RIN2: variants seen among roughly 807,000 people sequenced by gnomAD.
RIN2 encodes the protein Ras and Rab interactor 2.
A neutral mutation model predicts 78.0 loss-of-function variants in RIN2; 36 were observed. The observed-to-expected ratio is 0.46, with a 90% CI of 0.35 to 0.61. The LOEUF is 0.61. Among genes scored for constraint, RIN2 ranks in the 20% least tolerant of loss-of-function variants. RIN2 has a pLI of 0.00. For missense variants in RIN2, 1,087 were observed against 1,159.7 expected, an observed-to-expected ratio of 0.94 and a Z score of 0.91; for synonymous variants, 466 against 466.8, an observed-to-expected ratio of 1.00 and a Z score of 0.02.
chr20:19,844,593 G>C (rs200528490), intron 2 of RIN2, among the ~76,000 whole-genome samples: 1 of 64,066 alleles, frequency 1.6e-5, no homozygotes, highest in Non-Finnish European at 3.5e-5. Context: ...TGCTGCTGCT[G>C]CTTCTTCCTC....
At chr20:19,951,001 C>T (rs543284494) in intron 4 of RIN2, among the ~76,000 whole-genome samples, 3 of 151,980 alleles carry the variant, frequency 2.0e-5, no homozygotes, top group Middle Eastern at 3.4e-3. Flanking sequence ...GCAATCCTCC[C>T]GCCTCAGACT....
intron 9 of RIN2, among the ~76,000 whole-genome samples, chr20:19,988,765 T>C: frequency 6.6e-6 from 1 of 152,306 alleles, no homozygotes; most frequent in East Asian, 1.9e-4. Context: ...TTTCACACAT[T>C]TTTAACTTTT....
intron 2 of RIN2, among the ~76,000 whole-genome samples, chr20:19,863,359 A>G (rs1372128716): frequency 6.6e-6 from 1 of 152,112 alleles, no homozygotes; most frequent in Non-Finnish European, 1.5e-5. Flanking sequence ...CCTGGGCCTT[A>G]TCATTGCAGC....
intron 2 of RIN2, among the ~76,000 whole-genome samples, chr20:19,808,316 G>T (rs1414012453): frequency 6.6e-6 from 1 of 152,226 alleles, no homozygotes; most frequent in Non-Finnish European, 1.5e-5. Context: ...CAGAGAGGCC[G>T]CCATGGCCCA....
chr20:19,897,142 G>C (rs541392614), intron 3 of RIN2, among the ~76,000 whole-genome samples: 1 of 152,200 alleles, frequency 6.6e-6, no homozygotes, highest in Non-Finnish European at 1.5e-5. Flanking sequence ...GTCTCTCTCT[G>C]TCGCCCAGAC....
At chr20:19,974,039 A>G (rs1180843422) in intron 8 of RIN2, among the ~76,000 whole-genome samples, 5 of 152,202 alleles carry the variant, frequency 3.3e-5, no homozygotes, top group South Asian at 4.1e-4. Flanking sequence ...TTGGGCCTGC[A>G]CTGCACATTA....
chr20:19,832,907 C>T (rs547698383), intron 2 of RIN2, among the ~76,000 whole-genome samples: 6 of 152,156 alleles, frequency 3.9e-5, no homozygotes, highest in Non-Finnish European at 8.8e-5. Context: ...CACCTCTTAA[C>T]ACTGTTGCAC....
chr20:19,933,193 A>G (rs1005406552), intron 3 of RIN2, among the ~76,000 whole-genome samples: 1 of 152,188 alleles, frequency 6.6e-6, no homozygotes, highest in Non-Finnish European at 1.5e-5. Context: ...CATAAAACAG[A>G]TGTAAAATGG....
rs1568807329 is a variant in RIN2, at chr20:19,844,636, CTTCTTCTTCTTCTTCTT to C, written c.-37+44890_-37+44906del. On this transcript the variant is annotated intron_variant, in intron 2 of 12. Coordinates refer to ENST00000255006, the MANE Select transcript of RIN2 (RefSeq NM_018993.4). ...TCTTCTTCTTCTTCTTCTTCTTCTT[CTTCTTCTTCTTCTTCTT>C]CTTCTTCTTCTTCTTCCTTCTTCTT... 1.3e-3 allele frequency among the ~76,000 whole-genome samples: 164 copies of C among 129,278 alleles called. 3 individuals carry two copies. The highest frequency in any genetic ancestry group is 1.8e-3 in the East Asian group (8 of 4,536). 84.8% of individuals were successfully genotyped at this position (129,278 alleles called of 152,430 possible).
intron 8 of RIN2, 88 bp downstream of exon 8, chr20:19,971,017 G>A (rs578065769): frequency 3.4e-4 from 317 of 929,376 alleles, no homozygotes; most frequent in Admixed American, 9.8e-4. Context: ...ACATTGCTCC[G>A]TCAATCTCTC....
chr20:19,867,755 T>A (rs2037554408), intron 2 of RIN2, among the ~76,000 whole-genome samples: 2 of 152,228 alleles, frequency 1.3e-5, no homozygotes, highest in African/African-American at 4.8e-5. Flanking sequence ...TTAGTTAAGA[T>A]GGTGGTGTCC....
intron 1 of RIN2, among the ~76,000 whole-genome samples, chr20:19,770,186 GATT>G (rs1414293115): frequency 9.2e-5 from 14 of 152,152 alleles, no homozygotes; most frequent in Admixed American, 1.3e-4. Flanking sequence ...ATTTCACAAG[GATT>G]ATGATGCTTT....
chr20:19,983,710 G>A (rs2042534577), intron 9 of RIN2, among the ~76,000 whole-genome samples: 2 of 152,150 alleles, frequency 1.3e-5, no homozygotes, highest in Admixed American at 1.3e-4. Context: ...AAGTACGCAT[G>A]CAGAATTCTA....
chr20:19,899,033 C>G (rs1351185845), intron 3 of RIN2, among the ~76,000 whole-genome samples: 1 of 152,214 alleles, frequency 6.6e-6, no homozygotes, highest in African/African-American at 2.4e-5. Context: ...ACACGCCCCA[C>G]CTTTTTAATC....
intron 2 of RIN2, chr20:19,886,447 T>A (rs1251279609): frequency 2.1e-6 from 1 of 477,120 alleles, no homozygotes; most frequent in African/African-American, 2.0e-5. Context: ...CTGGTGTCTC[T>A]AGGAGAATGA....
At chr20:19,967,507 G>A (rs550345959) in intron 7 of RIN2, among the ~76,000 whole-genome samples, 1 of 152,360 alleles carries the variant, frequency 6.6e-6, no homozygotes, top group East Asian at 1.9e-4. Flanking sequence ...GTTTCACACA[G>A]CATGCATATG....
At chr20:19,915,032 C>G (rs559897838) in intron 3 of RIN2, among the ~76,000 whole-genome samples, 1 of 152,166 alleles carries the variant, frequency 6.6e-6, no homozygotes, top group East Asian at 1.9e-4. Flanking sequence ...GAGAAAAGGC[C>G]CTACGGGTAG....
intron 4 of RIN2, among the ~76,000 whole-genome samples, chr20:19,938,362 G>A (rs1458494014): frequency 6.6e-6 from 1 of 152,008 alleles, no homozygotes; most frequent in Non-Finnish European, 1.5e-5. Context: ...GGAAGCACGG[G>A]TGCCCACCAC....
At chr20:19,867,707 A>C (rs1354696555) in intron 2 of RIN2, among the ~76,000 whole-genome samples, 1 of 152,216 alleles carries the variant, frequency 6.6e-6, no homozygotes, top group Non-Finnish European at 1.5e-5. Flanking sequence ...CACATGTGGC[A>C]GGTTTGTTTT....
Sources: gnomAD v4.1 joint callset for allele counts (sites outside exome capture counted in the v4.1 genomes callset) on GRCh38, gnomAD v4.1.1 for gene constraint, MANE v1.5 for transcripts, NCBI Gene and HGNC (gene_info 2026-07-23, HGNC 2026-07-21) for gene names.